The following NOP14 variants were observed in gnomAD, a reference collection of about 807,000 sequenced individuals.
NOP14 encodes the protein nucleolar protein 14.
In NOP14, 57 loss-of-function variants were observed where a neutral mutation model predicts 101.6. The ratio of observed to expected loss-of-function variants is 0.56; its 90% CI spans 0.45 to 0.70. The LOEUF is 0.70. Among genes scored for constraint, NOP14 ranks in the 30% least tolerant of loss-of-function variants. The probability of loss-of-function intolerance (pLI) is 0.00; values close to 1 mark genes in which losing one functional copy is unlikely to be tolerated. For missense variants in NOP14, 1,134 were observed against 1,075.5 expected (o/e 1.05, Z -0.76); for synonymous variants, 428 against 424.0 (o/e 1.01, Z -0.12).
intron 1 of NOP14, among the ~76,000 whole-genome samples, chr4:2,958,638 C>T (rs1321292459): frequency 4.6e-5 from 7 of 152,176 alleles, no homozygotes; most frequent in Admixed American, 2.6e-4. Context: ...TCATCTAACC[C>T]GACTTAAGTG....
intron 11 of NOP14, among the ~76,000 whole-genome samples, chr4:2,945,998 CACT>C (rs2109299698): frequency 4.1e-5 from 2 of 48,852 alleles, no homozygotes; most frequent in South Asian, 9.1e-4. Flanking sequence ...AGATCACCCT[CACT>C]GCCGTGCACT....
rs1485407808 is a variant in NOP14 at position 2,957,687 on chromosome 4, G to C, written c.249C>G (p.Phe83Leu). 5 of 1,614,056 alleles carry C rather than the reference G, an allele frequency of 3.1e-6. No individual in the cohort carries two copies. The highest frequency in any genetic ancestry group is 1.3e-5 in the African/African-American group (1 of 75,022). ...EYKERDKSNV[F>L]RDKRFGEYNS... is the part of the protein sequence containing the mutation. ...TGTATTCTCCGAAGCGTTTATCTCT[G>C]AATACATTGGATTTATCCCTTTCTT... Residue 83 changes from phenylalanine to leucine, a missense_variant, in exon 2 of 18, where the codon TTC becomes TTG. Physicochemically the swap from Phe to Leu is conservative, Grantham distance 22. Coordinates refer to ENST00000416614, the MANE Select transcript of NOP14 (RefSeq NM_001291978.2).
chr4:2,950,882 G>C lies in NOP14; in HGVS notation c.1002+232C>G. ...TATCTGTGTTCCTTTGAGACAGAGA[G>C]AGAGAGTGAGAAAGAGAGCGTGAGC... On this transcript the variant is annotated intron_variant, in intron 7 of 17. Transcript: ENST00000416614. 3 of 428,180 alleles carry C rather than the reference G, an allele frequency of 7.0e-6. No homozygotes were observed. In the East Asian group the frequency reaches 1.2e-4, roughly 17 times the overall value. The allele number at this position is 428,180 out of a possible 1,614,324, so 26.5% of individuals were successfully genotyped here. A position where few individuals can be genotyped will look rare whatever the true frequency, so the allele number is the denominator to read the frequency against.
At position 2,938,212 on chromosome 4, in the gene NOP14, A is replaced by G; in HGVS notation, c.*619T>C. 7.8e-7 allele frequency: 1 copy of G among 1,289,196 alleles called. No homozygotes were observed. Among genetic ancestry groups the G allele is most frequent in the South Asian group, 1.2e-5 (1 of 80,958 alleles). 79.9% of individuals were successfully genotyped at this position (1,289,196 alleles called of 1,614,324 possible). On this transcript the variant is annotated 3_prime_UTR_variant, in exon 18 of 18. Transcript: ENST00000416614. ...AGCTGGAGGTTGGAATCACACCAAC[A>G]TTATAGCATTATTACTCTAAAAAAA...
rs1713798245 is a variant in NOP14 at position 2,938,142 on chromosome 4, G to A, written c.*689C>T. The A allele has an allele frequency of 8.2e-7, 1 of 1,225,426 alleles. No individual in the cohort carries two copies. The highest frequency in any genetic ancestry group is 1.1e-6 in the Non-Finnish European group (1 of 936,592). The allele number at this position is 1,225,426 out of a possible 1,614,324, so 75.9% of individuals were successfully genotyped here. Reference sequence around the variant, plus strand: ...TTTCAGGATTCATTCTATTTCATCAGGTGACGTTTTAACAGAAACAAAACC... The same window carrying A: ...TTTCAGGATTCATTCTATTTCATCAAGTGACGTTTTAACAGAAACAAAACC... On this transcript the variant is annotated 3_prime_UTR_variant, in exon 18 of 18. Coordinates refer to ENST00000416614, the MANE Select transcript of NOP14 (RefSeq NM_001291978.2).
intron 15 of NOP14, chr4:2,940,988 C>T (rs557661870): frequency 1.7e-4 from 25 of 151,164 alleles, no homozygotes; most frequent in African/African-American, 5.1e-4. Context: ...TGGGCTGGTG[C>T]GGGCCAATAA....
intron 13 of NOP14, among the ~76,000 whole-genome samples, chr4:2,943,204 G>C (rs527983689): frequency 3.3e-5 from 5 of 152,374 alleles, no homozygotes; most frequent in African/African-American, 1.2e-4. Flanking sequence ...CACTGAACCG[G>C]AAGAGTGGGC....
At position 2,946,417 on chromosome 4, in the gene NOP14, C is replaced by T. The variant is rs1278046288; in HGVS notation, c.1630G>A (p.Asp544Asn). The T allele has an allele frequency of 1.9e-6, 3 of 1,614,244 alleles. No individual in the cohort carries two copies. Among genetic ancestry groups the T allele is most frequent in the Non-Finnish European group, 2.5e-6 (3 of 1,180,036 alleles). The change falls in exon 11 of 18, where the codon GAT (aspartate) becomes AAT (asparagine). Residue 544 changes from aspartate (D) to asparagine (N), a missense_variant. Transcript: ENST00000416614. ...CTAGACTGAACTCTGCTTACCACAT[C>T]CAACCCTGGCAATGCCGCCCGGCCT... The part of the protein sequence containing the change: ...TKGRAALPGL[D>N]VLIYLKITGL...
chr4:2,957,833 T>TTTTA, intron 1 of NOP14, 93 bp from the exon 2 acceptor site: 1 of 1,294,614 alleles, frequency 7.7e-7, no homozygotes, highest in South Asian at 1.5e-5. Context: ...AGTTCAGGGC[T>TTTTA]ATGCACAGTG....
intron 15 of NOP14, among the ~76,000 whole-genome samples, chr4:2,940,025 A>C (rs1325491400): frequency 6.6e-6 from 1 of 152,214 alleles, no homozygotes; most frequent in Non-Finnish European, 1.5e-5. Flanking sequence ...GCCGTGAGCC[A>C]CTTGCTTCGT....
At chr4:2,962,849 G>C (rs747906434) in intron 1 of NOP14, among the ~76,000 whole-genome samples, 4 of 152,180 alleles carry the variant, frequency 2.6e-5, no homozygotes, top group Non-Finnish European at 4.4e-5. Flanking sequence ...AAGCAGCTTG[G>C]TCCAGGGCGC....
rs1238858610 is a variant in NOP14, at chr4:2,938,717, AG to A, written c.*113del. ...GAGACGGGGTCTTCCTGTGTTGCCC[AG>A]GCTGGTCTCGAACTCCTGGGCTGAA... is the stretch of plus-strand genomic sequence containing the variant. On this transcript the variant is annotated 3_prime_UTR_variant, in exon 18 of 18. Coordinates refer to ENST00000416614, the MANE Select transcript of NOP14 (RefSeq NM_001291978.2). 1.3e-6 allele frequency: 1 copy of A among 793,314 alleles called. No individual in the cohort carries two copies. The highest frequency in any genetic ancestry group is 2.1e-6 in the Non-Finnish European group (1 of 486,576). The allele number at this position is 793,314 out of a possible 1,614,324, so 49.1% of individuals were successfully genotyped here.
chr4:2,961,185 TAATATGCTAATATTATA>T (rs1715839571), intron 1 of NOP14, among the ~76,000 whole-genome samples: 1 of 664 alleles, frequency 1.5e-3, no homozygotes, highest in Non-Finnish European at 2.4e-3. Context: ...AATAATATAT[TAATATGCTAATATTATA>T]ATAATATATT....
At chr4:2,961,283 T>G (rs1397819472) in intron 1 of NOP14, 2 of 147,738 alleles carry the variant, frequency 1.4e-5, no homozygotes, top group Non-Finnish European at 3.0e-5. Context: ...TATTAATATA[T>G]AGTAACTATA....
Position 2,941,702 on chromosome 4 carries a change from G to T in NOP14, c.2079C>A (p.Ala693=). Residue 693 remains alanine, a synonymous_variant, in exon 15 of 18, where the codon GCC becomes GCA. Transcript: ENST00000416614. ...ACATGAGCACGCAGCGCTTCAGCAG[G>T]GCCAGGCCCACAGCCAGGCAGGACA... ...IRLSCLAVGL[A]LLKRCVLMYG... is the part of the protein sequence containing the mutation. The T allele has an allele frequency of 6.2e-7, 1 of 1,613,070 alleles. No homozygotes were observed. Among genetic ancestry groups the T allele is most frequent in the African/African-American group, 1.3e-5 (1 of 75,072 alleles).
At chr4:2,953,950 C>A (rs918341484) in intron 4 of NOP14, among the ~76,000 whole-genome samples, 5 of 152,196 alleles carry the variant, frequency 3.3e-5, no homozygotes, top group Admixed American at 1.3e-4. Flanking sequence ...AAAAACCCAT[C>A]CGCGCCAGGT....
At position 2,963,156 on chromosome 4, in the gene NOP14, G is replaced by A. The variant is rs201666002; in HGVS notation, c.164C>T (p.Pro55Leu). ...GRKTRHDVGL[P>L]GVSRARALRK... Reference sequence around the variant, plus strand: ...GAGGGCCCGTGCGCGAGACACCCCGGGCAGTCCCACGTCGTGGCGCGTCTT... The same window carrying A: ...GAGGGCCCGTGCGCGAGACACCCCGAGCAGTCCCACGTCGTGGCGCGTCTT... Residue 55 changes from proline to leucine, a missense_variant, in exon 1 of 18, where the codon CCC becomes CTC. Physicochemically the swap from Pro to Leu is moderately conservative, Grantham distance 98. Coordinates refer to ENST00000416614, the MANE Select transcript of NOP14 (RefSeq NM_001291978.2). The A allele has an allele frequency of 1.3e-4, 210 of 1,573,702 alleles. No homozygotes were observed. The East Asian group carries it at 5.3e-3, about 39-fold the overall frequency.
chr4:2,950,902 G>A (rs558777517), intron 7 of NOP14: 10 of 474,670 alleles, frequency 2.1e-5, no homozygotes, highest in Admixed American at 3.6e-5. Flanking sequence ...GAAAGAGAGC[G>A]TGAGCAAGTG....
intron 1 of NOP14, among the ~76,000 whole-genome samples, chr4:2,959,436 C>CA (rs369408753): frequency 6.3e-4 from 96 of 151,880 alleles, no homozygotes; most frequent in Non-Finnish European, 1.1e-3. Context: ...ACTAAAAATA[C>CA]AAAAAAATTA....
Sources: gnomAD v4.1 joint callset for allele counts (sites outside exome capture counted in the v4.1 genomes callset) on GRCh38, gnomAD v4.1.1 for gene constraint, MANE v1.5 for transcripts, NCBI Gene and HGNC (gene_info 2026-07-23, HGNC 2026-07-21) for gene names.